Variants in LRP1B observed in about 807,000 individuals in gnomAD.
The protein encoded by LRP1B is LDL receptor related protein 1B.
A neutral mutation model predicts 556.6 loss-of-function variants in LRP1B; 217 were observed. That is an observed-to-expected ratio of 0.39 (90% confidence interval 0.35 to 0.44). The LOEUF is 0.44. Among genes scored for constraint, LRP1B ranks in the 20% least tolerant of loss-of-function variants. The pLI is 1.00. For missense variants in LRP1B, 5,053 were observed against 5,620.8 expected, an observed-to-expected ratio of 0.90 and a Z score of 3.23; for synonymous variants, 2,047 against 1,865.8, an observed-to-expected ratio of 1.10 and a Z score of -2.50.
At chr2:141,844,686 A>G (rs1697584707) in intron 1 of LRP1B, among the ~76,000 whole-genome samples, 1 of 152,084 alleles carries the variant, frequency 6.6e-6, no homozygotes, top group Non-Finnish European at 1.5e-5. Flanking sequence ...TTGTCTTAGA[A>G]CATTTTGTGT....
intron 7 of LRP1B, among the ~76,000 whole-genome samples, chr2:141,170,114 TAACA>T (rs377494325): frequency 1.3e-5 from 2 of 152,208 alleles, no homozygotes; most frequent in Non-Finnish European, 2.9e-5. Flanking sequence ...ATAGATATGA[TAACA>T]AACTCACATA....
intron 3 of LRP1B, among the ~76,000 whole-genome samples, chr2:141,423,036 G>A (rs1270808692): frequency 6.6e-6 from 1 of 152,168 alleles, no homozygotes; most frequent in African/African-American, 2.4e-5. Flanking sequence ...CAGGAAATAC[G>A]AAAGTGGGAA....
chr2:140,702,855 T>C (rs1479341153), intron 37 of LRP1B, among the ~76,000 whole-genome samples: 1 of 152,102 alleles, frequency 6.6e-6, no homozygotes. Context: ...CTTCCTACTT[T>C]TCATATCTCA....
At chr2:141,029,010 G>A (rs1330206577) in intron 11 of LRP1B, among the ~76,000 whole-genome samples, 7 of 152,104 alleles carry the variant, frequency 4.6e-5, no homozygotes, top group Non-Finnish European at 1.0e-4. Flanking sequence ...GCTGACTGAG[G>A]AGGTGGTCTG....
chr2:140,979,735 A>G (rs1696712695), intron 18 of LRP1B, among the ~76,000 whole-genome samples: 2 of 152,164 alleles, frequency 1.3e-5, no homozygotes, highest in African/African-American at 2.4e-5. Context: ...TCTGCACCCC[A>G]TGCAAGGATC....
rs1681670459 is a variant in LRP1B, at chr2:140,579,455, G to A, written c.7194+19176C>T. On this transcript the variant is annotated intron_variant, in intron 43 of 90. Coordinates refer to ENST00000389484, the MANE Select transcript of LRP1B (RefSeq NM_018557.3). ...TGACCACTATCTCAAATGTCAAAAG[G>A]GATGAATCCTCAATTTGGACACATC... 2.0e-5 allele frequency among the ~76,000 whole-genome samples: 3 copies of A among 152,158 alleles called. 1 individual carries two copies. In the South Asian group the frequency reaches 6.2e-4, roughly 32 times the overall value.
intron 55 of LRP1B, among the ~76,000 whole-genome samples, chr2:140,499,668 A>G (rs1001266565): frequency 1.3e-5 from 2 of 151,934 alleles, no homozygotes; most frequent in African/African-American, 4.8e-5. Context: ...CAATTGTAAC[A>G]CAATGCTAAG....
intron 7 of LRP1B, among the ~76,000 whole-genome samples, chr2:141,142,336 G>T (rs1376568420): frequency 6.6e-6 from 1 of 152,120 alleles, no homozygotes; most frequent in East Asian, 1.9e-4. Context: ...GCAAACATCG[G>T]CTTCAGTTTT....
At chr2:140,358,667 T>C (rs1252546429) in intron 73 of LRP1B, among the ~76,000 whole-genome samples, 154 bp downstream of exon 73, 4 of 151,744 alleles carry the variant, frequency 2.6e-5, no homozygotes, top group African/African-American at 9.7e-5. Context: ...GAAATGCTGG[T>C]GGAATATTTT....
At chr2:141,565,695 G>A (rs988631136) in intron 2 of LRP1B, among the ~76,000 whole-genome samples, 1 of 152,172 alleles carries the variant, frequency 6.6e-6, no homozygotes, top group Admixed American at 6.5e-5. Context: ...ATATGAAATG[G>A]CAAAATATAT....
chr2:140,244,898 G>C (rs1315609626), intron 87 of LRP1B, among the ~76,000 whole-genome samples: 1 of 151,210 alleles, frequency 6.6e-6, no homozygotes, highest in Admixed American at 6.6e-5. Flanking sequence ...GGGAAGGTTT[G>C]ACAATCATTC....
chr2:142,107,805 T>G (rs923386420), intron 1 of LRP1B, among the ~76,000 whole-genome samples: 2 of 146,792 alleles, frequency 1.4e-5, no homozygotes, highest in African/African-American at 2.5e-5. Flanking sequence ...TTTTTTTTTT[T>G]TTTTTTTTTT....
At chr2:141,745,475 A>C (rs1693881955) in intron 2 of LRP1B, among the ~76,000 whole-genome samples, 2 of 152,036 alleles carry the variant, frequency 1.3e-5, no homozygotes, top group South Asian at 2.1e-4. Context: ...ACAGGTCCAT[A>C]AGGAATACTG....
chr2:141,245,862 TA>T, intron 5 of LRP1B, among the ~76,000 whole-genome samples: 1 of 152,256 alleles, frequency 6.6e-6, no homozygotes, highest in Admixed American at 6.5e-5. Context: ...AAGACAAGTT[TA>T]TTCTCTCTTT....
At position 140,429,736 on chromosome 2, in the gene LRP1B, C is replaced by G. The variant is rs193288923; in HGVS notation, c.10414+12768G>C. Reference sequence around the variant, plus strand: ...GGACTGCACCCTGTAGCCTTTCTGTCCAAACAACTTGACCTTACTGTTTTA... The same window carrying G: ...GGACTGCACCCTGTAGCCTTTCTGTGCAAACAACTTGACCTTACTGTTTTA... On this transcript the variant is annotated intron_variant, in intron 66 of 90. Coordinates refer to ENST00000389484, the MANE Select transcript of LRP1B (RefSeq NM_018557.3). Among the ~76,000 whole-genome samples the G allele has an allele frequency of 1.3e-3, 194 of 152,274 alleles. 1 individual carries two copies. The highest frequency in any genetic ancestry group is 4.5e-3 in the African/African-American group (188 of 41,554).
At chr2:140,600,346 T>C (rs964386713) in intron 42 of LRP1B, among the ~76,000 whole-genome samples, 9 of 152,144 alleles carry the variant, frequency 5.9e-5, no homozygotes, top group Non-Finnish European at 1.2e-4. Context: ...CCAAGCTCCA[T>C]GAGTCATTAC....
At chr2:140,714,792 C>CA (rs1410221441) in intron 37 of LRP1B, among the ~76,000 whole-genome samples, 1 of 151,940 alleles carries the variant, frequency 6.6e-6, no homozygotes. Flanking sequence ...CCTGTAAGTC[C>CA]AACACTGTGA....
intron 60 of LRP1B, among the ~76,000 whole-genome samples, chr2:140,461,018 G>A (rs1288295992): frequency 1.4e-5 from 2 of 147,524 alleles, no homozygotes; most frequent in African/African-American, 2.5e-5. Context: ...AGCCAAGATC[G>A]CACCACTGCA....
At chr2:140,583,564 T>C (rs921986533) in intron 43 of LRP1B, among the ~76,000 whole-genome samples, 3 of 152,118 alleles carry the variant, frequency 2.0e-5, no homozygotes, top group Non-Finnish European at 2.9e-5. Flanking sequence ...TTCTCTGTTT[T>C]TATTTCTTAA....
Sources: gnomAD v4.1 joint callset for allele counts (sites outside exome capture counted in the v4.1 genomes callset) on GRCh38, gnomAD v4.1.1 for gene constraint, MANE v1.5 for transcripts, NCBI Gene and HGNC (gene_info 2026-07-23, HGNC 2026-07-21) for gene names.